DLGAP1: variants seen among roughly 807,000 people sequenced by gnomAD.
The protein encoded by DLGAP1 is disks large-associated protein 1.
A neutral mutation model predicts 90.8 loss-of-function variants in DLGAP1; 11 were observed. That is an observed-to-expected ratio of 0.12 (90% confidence interval 0.08 to 0.20). DLGAP1 has a LOEUF of 0.20. DLGAP1 is among the 10% of genes least tolerant of loss of function. DLGAP1 has a pLI of 1.00. For missense variants in DLGAP1, 1,050 were observed against 1,333.8 expected (o/e 0.79, Z 3.31); for synonymous variants, 558 against 540.7 (o/e 1.03, Z -0.44).
chr18:3,763,214 C>T (rs1246520639), intron 5 of DLGAP1, among the ~76,000 whole-genome samples: 1 of 152,206 alleles, frequency 6.6e-6, no homozygotes, highest in Admixed American at 6.5e-5. Flanking sequence ...CGTGGAAAGA[C>T]TAGACTGGCT....
At chr18:3,567,647 A>G in intron 8 of DLGAP1, 66 bp from the exon 9 acceptor site, 1 of 1,388,278 alleles carries the variant, frequency 7.2e-7, no homozygotes, top group Non-Finnish European at 1.0e-6. Flanking sequence ...AACAAACATC[A>G]CATTTTATGA....
At chr18:4,077,737 T>C (rs1327183303) in intron 2 of DLGAP1, among the ~76,000 whole-genome samples, 1 of 152,114 alleles carries the variant, frequency 6.6e-6, no homozygotes, top group South Asian at 2.1e-4. Context: ...AATAAACTGT[T>C]TTAAAAATAA....
At chr18:4,043,203 T>TTC (rs1568366228) in intron 2 of DLGAP1, among the ~76,000 whole-genome samples, 1 of 151,962 alleles carries the variant, frequency 6.6e-6, no homozygotes, top group Non-Finnish European at 1.5e-5. Context: ...ATTTCTATAC[T>TTC]CAGTATAGGC....
intron 2 of DLGAP1, among the ~76,000 whole-genome samples, chr18:4,052,519 C>G (rs1174368346): frequency 6.6e-6 from 1 of 152,134 alleles, no homozygotes; most frequent in Non-Finnish European, 1.5e-5. Flanking sequence ...ATGGGGGGCC[C>G]TGGACCCAGC....
At chr18:4,064,640 C>T (rs1052622652) in intron 2 of DLGAP1, among the ~76,000 whole-genome samples, 2 of 152,048 alleles carry the variant, frequency 1.3e-5, no homozygotes, top group Admixed American at 1.3e-4. Context: ...CTAGACTGAA[C>T]CAGGAAGAAA....
chr18:4,168,117 G>A (rs550792744), intron 1 of DLGAP1, among the ~76,000 whole-genome samples: 11 of 152,194 alleles, frequency 7.2e-5, no homozygotes, highest in Admixed American at 4.6e-4. Flanking sequence ...ATAAACAGGC[G>A]CTGGAATAGC....
At chr18:3,818,771 T>A (rs2067239041) in intron 4 of DLGAP1, among the ~76,000 whole-genome samples, 1 of 151,646 alleles carries the variant, frequency 6.6e-6, no homozygotes, top group Admixed American at 6.6e-5. Context: ...AATTTTTGTA[T>A]TTTTAGTAGG....
chr18:3,659,376 C>T (rs1229684267), intron 7 of DLGAP1, among the ~76,000 whole-genome samples: 3 of 145,328 alleles, frequency 2.1e-5, no homozygotes, highest in African/African-American at 7.8e-5. Flanking sequence ...TCAGGGTAAG[C>T]CGTAACACAT....
chr18:4,140,181 T>A (rs1382252435), intron 2 of DLGAP1, among the ~76,000 whole-genome samples: 1 of 152,012 alleles, frequency 6.6e-6, no homozygotes, highest in African/African-American at 2.4e-5. Flanking sequence ...CATTTCTTGC[T>A]TCTTTCTTTT....
intron 1 of DLGAP1, among the ~76,000 whole-genome samples, chr18:4,158,483 A>T (rs1320475760): frequency 2.0e-5 from 3 of 152,174 alleles, no homozygotes; most frequent in Non-Finnish European, 4.4e-5. Flanking sequence ...TGATGTTATG[A>T]ACTGGCACAC....
intron 7 of DLGAP1, among the ~76,000 whole-genome samples, chr18:3,689,497 T>C (rs2060820373): frequency 6.6e-6 from 1 of 152,184 alleles, no homozygotes; most frequent in Admixed American, 6.5e-5. Context: ...TGTATCCTTT[T>C]TTTTAAGCAG....
intron 7 of DLGAP1, among the ~76,000 whole-genome samples, chr18:3,644,748 T>C (rs969769005): frequency 9.2e-5 from 14 of 152,116 alleles, no homozygotes; most frequent in African/African-American, 3.1e-4. Context: ...ATGAGAAAGC[T>C]AAATATTGGG....
At chr18:4,046,580 T>C (rs2075057744) in intron 2 of DLGAP1, among the ~76,000 whole-genome samples, 1 of 152,262 alleles carries the variant, frequency 6.6e-6, no homozygotes, top group African/African-American at 2.4e-5. Flanking sequence ...TGAAACGTGC[T>C]GGACATATTA....
intron 7 of DLGAP1, among the ~76,000 whole-genome samples, chr18:3,605,043 G>A (rs571882893): frequency 6.6e-6 from 1 of 152,282 alleles, no homozygotes; most frequent in Admixed American, 6.5e-5. Context: ...TGTACACTTA[G>A]AGGAAGAGTG....
chr18:3,833,170 C>CGA (rs2068139910), intron 4 of DLGAP1, among the ~76,000 whole-genome samples: 1 of 4,872 alleles, frequency 2.1e-4, no homozygotes, highest in Non-Finnish European at 4.4e-4. Context: ...TCCTTCCTTC[C>CGA]TTCCTTCCTT....
intron 7 of DLGAP1, among the ~76,000 whole-genome samples, chr18:3,633,435 C>T (rs1331823476): frequency 6.8e-6 from 1 of 147,494 alleles, no homozygotes; most frequent in Non-Finnish European, 1.5e-5. Context: ...AACTGAAGAT[C>T]AAGCTGAATA....
chr18:3,658,886 A>G (rs2059587533), intron 7 of DLGAP1, among the ~76,000 whole-genome samples: 2 of 151,542 alleles, frequency 1.3e-5, no homozygotes, highest in African/African-American at 2.5e-5. Flanking sequence ...AAACAAGAAA[A>G]TTTAAACAAA....
At position 3,496,772 on chromosome 18, in the gene DLGAP1, T is replaced by A. The variant is rs557257576; in HGVS notation, c.*2413A>T. 4 of 152,354 alleles carry A rather than the reference T, an allele frequency of 2.6e-5. No individual in the cohort carries two copies. The South Asian group carries it at 8.3e-4, about 32-fold the overall frequency. The allele number at this position is 152,354 out of a possible 1,614,324, so 9.4% of individuals were successfully genotyped here. ...TCAAGCAGCATTGTGTGGGGTCATG[T>A]TCTAACACCAATAATTAGCTTTTTA... On this transcript the variant is annotated 3_prime_UTR_variant, in exon 13 of 13. Coordinates refer to ENST00000315677, the MANE Select transcript of DLGAP1 (RefSeq NM_004746.4).
At chr18:3,662,064 C>A (rs1299718671) in intron 7 of DLGAP1, among the ~76,000 whole-genome samples, 2 of 151,752 alleles carry the variant, frequency 1.3e-5, no homozygotes, top group East Asian at 3.9e-4. Flanking sequence ...AAGAAAACTT[C>A]TAGGCAGAAT....
Sources: gnomAD v4.1 joint callset for allele counts (sites outside exome capture counted in the v4.1 genomes callset) on GRCh38, gnomAD v4.1.1 for gene constraint, MANE v1.5 for transcripts, NCBI Gene and HGNC (gene_info 2026-07-23, HGNC 2026-07-21) for gene names.